Variants in LAMA2 observed in about 807,000 individuals in gnomAD.
LAMA2 encodes laminin subunit alpha 2, also known as laminin subunit alpha-2.
A neutral mutation model predicts 364.8 loss-of-function variants in LAMA2; 269 were observed. The ratio of observed to expected loss-of-function variants is 0.74; its 90% confidence interval spans 0.67 to 0.82. LAMA2 has a LOEUF of 0.82. Among genes scored for constraint, LAMA2 ranks in the 40% least tolerant of loss-of-function variants. The pLI, the probability that LAMA2 is intolerant of heterozygous loss-of-function variation, is 0.00. For synonymous variants in LAMA2, 1,379 were observed against 1,370.6 expected (o/e 1.01, Z -0.14); for missense variants, 3,807 against 3,873.2 (o/e 0.98, Z 0.45).
intron 40 of LAMA2, among the ~76,000 whole-genome samples, chr6:129,408,731 G>A (rs1425330514): frequency 6.6e-6 from 1 of 152,118 alleles, no homozygotes; most frequent in Non-Finnish European, 1.5e-5. Context: ...GGTGGCTATA[G>A]TCAGGTCAGT....
intron 12 of LAMA2, among the ~76,000 whole-genome samples, chr6:129,193,563 A>C (rs539557285): frequency 6.6e-6 from 1 of 152,306 alleles, no homozygotes; most frequent in South Asian, 2.1e-4. Context: ...TATCTTGCCT[A>C]ATACTTTGTT....
intron 28 of LAMA2, among the ~76,000 whole-genome samples, chr6:129,322,480 C>T (rs867783867): frequency 6.6e-6 from 1 of 152,086 alleles, no homozygotes; most frequent in African/African-American, 2.4e-5. Flanking sequence ...TCCCAGGTAG[C>T]GTTTGGTTTT....
intron 3 of LAMA2, among the ~76,000 whole-genome samples, chr6:129,086,506 T>TA (rs1774395185): frequency 6.6e-6 from 1 of 152,186 alleles, no homozygotes; most frequent in African/African-American, 2.4e-5. Context: ...ATTTAAAATA[T>TA]AAAATGAGAC....
intron 1 of LAMA2, among the ~76,000 whole-genome samples, chr6:128,944,288 A>G (rs1045068245): frequency 3.3e-5 from 5 of 152,198 alleles, no homozygotes; most frequent in African/African-American, 4.8e-5. Flanking sequence ...TTACATTTTT[A>G]TCAGGACTTC....
At chr6:129,313,863 A>G (rs1774383053) in intron 23 of LAMA2, among the ~76,000 whole-genome samples, 1 of 152,242 alleles carries the variant, frequency 6.6e-6, no homozygotes, top group Admixed American at 6.5e-5. Context: ...GGCTTCGGCC[A>G]ATACCGAGTA....
intron 1 of LAMA2, among the ~76,000 whole-genome samples, chr6:129,013,416 G>A (rs777561719): frequency 1.3e-5 from 2 of 151,058 alleles, no homozygotes; most frequent in Admixed American, 6.6e-5. Flanking sequence ...CGGCCTGGGC[G>A]AAAGAGAGAG....
chr6:129,155,342 A>G (rs1440823875), intron 8 of LAMA2, among the ~76,000 whole-genome samples: 1 of 152,160 alleles, frequency 6.6e-6, no homozygotes, highest in African/African-American at 2.4e-5. Context: ...AATGTATAAA[A>G]TGTTCACCAA....
intron 12 of LAMA2, among the ~76,000 whole-genome samples, chr6:129,223,282 T>C (rs1784006401): frequency 6.6e-6 from 1 of 152,160 alleles, no homozygotes; most frequent in Admixed American, 6.6e-5. Context: ...TCTTCTCCCA[T>C]TCTGTAGGTT....
intron 4 of LAMA2, among the ~76,000 whole-genome samples, chr6:129,115,779 T>C (rs1562251350): frequency 1.3e-5 from 2 of 152,086 alleles, no homozygotes; most frequent in South Asian, 4.1e-4. Flanking sequence ...CTCTTTGAAG[T>C]TTAGTTTCCG....
chr6:128,984,193 C>T (rs1783073103), intron 1 of LAMA2, among the ~76,000 whole-genome samples: 1 of 152,156 alleles, frequency 6.6e-6, no homozygotes, highest in South Asian at 2.1e-4. Context: ...CATTTAGCCA[C>T]CACATCTTTT....
At chr6:128,886,534 C>T (rs2114369465) in intron 1 of LAMA2, among the ~76,000 whole-genome samples, 1 of 150,066 alleles carries the variant, frequency 6.7e-6, no homozygotes, top group Middle Eastern at 3.6e-3. Flanking sequence ...GGTGTAGATG[C>T]AGAGAAGGGA....
chr6:128,973,267 T>A (rs1782305475), intron 1 of LAMA2, among the ~76,000 whole-genome samples: 1 of 151,972 alleles, frequency 6.6e-6, no homozygotes, highest in Non-Finnish European at 1.5e-5. Context: ...GGATTCATAA[T>A]TTTTTTTACT....
chr6:128,978,707 A>G (rs1407314603), intron 1 of LAMA2, among the ~76,000 whole-genome samples: 2 of 152,214 alleles, frequency 1.3e-5, no homozygotes, highest in African/African-American at 4.8e-5. Context: ...GTATCATTTG[A>G]CTTGAGAAAA....
intron 30 of LAMA2, among the ~76,000 whole-genome samples, 171 bp downstream of exon 30, chr6:129,342,638 G>C (rs1225392356): frequency 6.6e-6 from 1 of 151,846 alleles, no homozygotes; most frequent in African/African-American, 2.4e-5. Context: ...ATGCTCTATG[G>C]TTCATTTTTC....
chr6:128,965,285 T>C (rs965467854), intron 1 of LAMA2, among the ~76,000 whole-genome samples: 1 of 152,026 alleles, frequency 6.6e-6, no homozygotes, highest in Non-Finnish European at 1.5e-5. Context: ...CTGAGTGAAA[T>C]ATTTTGCTCT....
intron 3 of LAMA2, among the ~76,000 whole-genome samples, chr6:129,079,830 A>G (rs1773926458): frequency 6.6e-6 from 1 of 152,156 alleles, no homozygotes; most frequent in African/African-American, 2.4e-5. Flanking sequence ...ATATACAAAT[A>G]CATGTACCTA....
At chr6:129,320,169 A>G (rs1873330) in intron 27 of LAMA2, among the ~76,000 whole-genome samples, 137,949 of 151,892 alleles carry the variant, frequency 0.91, 62,656 homozygotes, top group East Asian at 0.97. Context: ...AAAGAAAAAA[A>G]AAAAGAAAAG....
At chr6:128,991,907 A>G (rs1370992405) in intron 1 of LAMA2, among the ~76,000 whole-genome samples, 2 of 152,176 alleles carry the variant, frequency 1.3e-5, no homozygotes, top group African/African-American at 4.8e-5. Context: ...ATTTTCTTTT[A>G]TGTCTACATT....
chr6:129,147,911 C>T (rs572882998), intron 6 of LAMA2, among the ~76,000 whole-genome samples: 1 of 150,942 alleles, frequency 6.6e-6, no homozygotes, highest in South Asian at 2.1e-4. Flanking sequence ...TGGGTGCTTT[C>T]TTCTTTTTTT....
Sources: allele counts gnomAD v4.1 joint callset (sites outside exome capture counted in the v4.1 genomes callset), GRCh38; gene constraint gnomAD v4.1.1; transcripts MANE v1.5; gene names NCBI Gene and HGNC (gene_info 2026-07-23, HGNC 2026-07-21).